KCNAB1: variants seen among roughly 807,000 people sequenced by gnomAD.
The protein encoded by KCNAB1 is potassium voltage-gated channel subfamily A regulatory beta subunit 1.
KCNAB1 carries 35 observed loss-of-function variants against 64.6 expected under a neutral mutation model. The observed-to-expected ratio is 0.54, with a 90% CI of 0.41 to 0.72. The LOEUF is 0.72. KCNAB1 is among the 30% of genes least tolerant of loss of function. The probability of loss-of-function intolerance (pLI) is 0.00; values close to 1 mark genes in which losing one functional copy is unlikely to be tolerated. For synonymous variants in KCNAB1, 177 were observed against 183.8 expected, an observed-to-expected ratio of 0.96 and a Z score of 0.30; for missense variants, 401 against 512.9, an observed-to-expected ratio of 0.78 and a Z score of 2.11.
Position 156,205,756 on chromosome 3 carries a change from T to C in KCNAB1, c.275+84870T>C, listed in dbSNP as rs192280034. 2.6e-5 allele frequency among the ~76,000 whole-genome samples: 4 copies of C among 152,314 alleles called. No individual in the cohort carries two copies. The East Asian group carries it at 5.8e-4, about 22-fold the overall frequency. On this transcript the variant is annotated intron_variant, in intron 1 of 13. Transcript: ENST00000490337. ...TCTAATCCCCATTGTCTGTCCTACA[T>C]TGACTTCTAAAATATGGATCTGGCC...
intron 1 of KCNAB1, among the ~76,000 whole-genome samples, chr3:156,357,633 G>T (rs1166061255): frequency 6.6e-6 from 1 of 151,970 alleles, no homozygotes; most frequent in Non-Finnish European, 1.5e-5. Flanking sequence ...TTTTCTAGTA[G>T]CTGTATTTAA....
intron 8 of KCNAB1, among the ~76,000 whole-genome samples, chr3:156,503,614 G>C (rs929150465): frequency 1.3e-5 from 2 of 152,134 alleles, no homozygotes; most frequent in Non-Finnish European, 2.9e-5. Context: ...TTACTTGCAA[G>C]TTCTACAAAT....
chr3:156,175,411 G>C (rs369233049), intron 1 of KCNAB1, among the ~76,000 whole-genome samples: 1 of 152,164 alleles, frequency 6.6e-6, no homozygotes, highest in Non-Finnish European at 1.5e-5. Context: ...ACAAGGTCAG[G>C]AGATCGAGAC....
chr3:156,414,955 A>C (rs112226473), intron 1 of KCNAB1, among the ~76,000 whole-genome samples: 226 of 152,340 alleles, frequency 1.5e-3, no homozygotes, highest in African/African-American at 4.4e-3. Flanking sequence ...TCAGATTTCT[A>C]TCATTTCTCC....
chr3:156,417,833 G>A (rs926474756), intron 1 of KCNAB1, among the ~76,000 whole-genome samples: 1 of 152,138 alleles, frequency 6.6e-6, no homozygotes, highest in Non-Finnish European at 1.5e-5. Context: ...TGTATTCACC[G>A]AGTGGAGAGT....
At chr3:156,425,192 T>G (rs1473418066) in intron 2 of KCNAB1, among the ~76,000 whole-genome samples, 1 of 152,198 alleles carries the variant, frequency 6.6e-6, no homozygotes, top group African/African-American at 2.4e-5. Flanking sequence ...AGAAATTAAG[T>G]AGTAAAACTG....
intron 2 of KCNAB1, among the ~76,000 whole-genome samples, chr3:156,440,375 C>A (rs1389062363): frequency 2.0e-5 from 3 of 152,330 alleles, no homozygotes; most frequent in Middle Eastern, 3.4e-3. Flanking sequence ...TATGCCAAAG[C>A]ATGGCTGGGA....
At chr3:156,427,300 T>C (rs1415386664) in intron 2 of KCNAB1, among the ~76,000 whole-genome samples, 1 of 152,112 alleles carries the variant, frequency 6.6e-6, no homozygotes, top group Admixed American at 6.5e-5. Context: ...TGTGGAGATC[T>C]CTAGGCTGGA....
intron 1 of KCNAB1, among the ~76,000 whole-genome samples, chr3:156,367,718 C>T (rs924101402): frequency 1.3e-5 from 2 of 152,200 alleles, no homozygotes; most frequent in African/African-American, 2.4e-5. Context: ...TGTTTAACCC[C>T]TTTTCTTTCC....
At position 156,376,608 on chromosome 3, in the gene KCNAB1, AGTT is replaced by A. The variant is rs367653299; in HGVS notation, c.276-45001_276-44999del. Reference sequence around the variant, plus strand: ...GAAGTGCAGGGAAAAGAAGCTAGATAGTTGTTGTTTGAGGAATAATACAGGGAA... The same window carrying A: ...GAAGTGCAGGGAAAAGAAGCTAGATAGTTGTTTGAGGAATAATACAGGGAA... On this transcript the variant is annotated intron_variant, in intron 1 of 13. Coordinates refer to ENST00000490337, the MANE Select transcript of KCNAB1 (RefSeq NM_172160.3). Among the ~76,000 whole-genome samples, 216 of 152,322 alleles carry A rather than the reference AGTT, an allele frequency of 1.4e-3. 9 individuals are homozygous for A. In the South Asian group the frequency reaches 0.044, roughly 31 times the overall value.
At chr3:156,206,459 G>T (rs372631004) in intron 1 of KCNAB1, among the ~76,000 whole-genome samples, 1 of 152,190 alleles carries the variant, frequency 6.6e-6, no homozygotes, top group Admixed American at 6.5e-5. Context: ...CCTTCCTGAG[G>T]CTATAAACAA....
At chr3:156,161,924 G>A (rs1324281880) in intron 1 of KCNAB1, among the ~76,000 whole-genome samples, 4 of 152,166 alleles carry the variant, frequency 2.6e-5, no homozygotes, top group Admixed American at 2.0e-4. Context: ...TATTGACAAG[G>A]CATCTTAATT....
chr3:156,367,962 T>A (rs1726053657), intron 1 of KCNAB1, among the ~76,000 whole-genome samples: 1 of 152,218 alleles, frequency 6.6e-6, no homozygotes, highest in South Asian at 2.1e-4. Flanking sequence ...CAAAGCTGCT[T>A]TCAGGGTTTT....
chr3:156,275,542 G>C (rs891860356), intron 1 of KCNAB1, among the ~76,000 whole-genome samples: 8 of 152,156 alleles, frequency 5.3e-5, no homozygotes, highest in African/African-American at 1.4e-4. Context: ...ACTCACAATA[G>C]AACTTCTTTG....
chr3:156,436,230 A>G (rs1037256829), intron 2 of KCNAB1, among the ~76,000 whole-genome samples: 4 of 152,080 alleles, frequency 2.6e-5, no homozygotes, highest in Non-Finnish European at 5.9e-5. Flanking sequence ...CCACCCATGC[A>G]CCAGCAAAGG....
rs192816495 is a variant in KCNAB1, at chr3:156,133,934, C to T, written c.275+13048C>T. Among the ~76,000 whole-genome samples, 51 of 151,960 alleles carry T rather than the reference C, an allele frequency of 3.4e-4. No homozygotes were observed. The East Asian group carries it at 9.5e-3, about 28-fold the overall frequency. ...TGTTTTTTTTTTTAGGCTAACCCAC[C>T]AAATTGCTATTAACTGGAAAAAAGT... is the stretch of plus-strand genomic sequence containing the variant. On this transcript the variant is annotated intron_variant, in intron 1 of 13. Transcript: ENST00000490337.
At chr3:156,515,888 C>T (rs1465729196) in intron 10 of KCNAB1, among the ~76,000 whole-genome samples, 1 of 152,066 alleles carries the variant, frequency 6.6e-6, no homozygotes, top group Non-Finnish European at 1.5e-5. Context: ...CAATAACAAC[C>T]GTAATAATTG....
At chr3:156,454,528 C>T (rs1368095607) in intron 3 of KCNAB1, among the ~76,000 whole-genome samples, 1 of 152,122 alleles carries the variant, frequency 6.6e-6, no homozygotes, top group Admixed American at 6.5e-5. Context: ...CCTAGCAGCT[C>T]AGGGAATAAG....
At chr3:156,220,467 A>G (rs534448489) in intron 1 of KCNAB1, among the ~76,000 whole-genome samples, 1 of 152,342 alleles carries the variant, frequency 6.6e-6, no homozygotes, top group South Asian at 2.1e-4. Flanking sequence ...TCTGATGACC[A>G]GTGATGATGA....
Sources: gnomAD v4.1 joint callset for allele counts (sites outside exome capture counted in the v4.1 genomes callset) on GRCh38, gnomAD v4.1.1 for gene constraint, MANE v1.5 for transcripts, NCBI Gene and HGNC (gene_info 2026-07-23, HGNC 2026-07-21) for gene names.